CACNA1D: variants seen among roughly 807,000 people sequenced by gnomAD.
CACNA1D encodes calcium voltage-gated channel subunit alpha1 D.
Under a neutral mutation model 257.1 loss-of-function variants are expected in CACNA1D, and 55 were observed. The observed-to-expected ratio is 0.21, with a 90% CI of 0.17 to 0.27. The LOEUF (loss-of-function observed/expected upper bound fraction) is 0.27. Ranked by LOEUF, CACNA1D falls within the 10% of genes least tolerant of loss-of-function variation. The pLI, the probability that CACNA1D is intolerant of heterozygous loss-of-function variation, is 1.00. For missense variants in CACNA1D, 1,876 were observed against 2,784.0 expected (o/e 0.67, Z 7.34); for synonymous variants, 980 against 1,014.9 (o/e 0.97, Z 0.65).
intron 3 of CACNA1D, among the ~76,000 whole-genome samples, chr3:53,638,127 C>T (rs1369038440): frequency 6.6e-6 from 1 of 152,222 alleles, no homozygotes; most frequent in Non-Finnish European, 1.5e-5. Flanking sequence ...GCCTGTTCTC[C>T]ACTGACCCAC....
intron 3 of CACNA1D, among the ~76,000 whole-genome samples, chr3:53,611,007 A>G (rs1012145315): frequency 6.6e-6 from 1 of 152,166 alleles, no homozygotes; most frequent in Non-Finnish European, 1.5e-5. Context: ...TTTTCACTGG[A>G]TATAGAATTT....
chr3:53,741,186 A>G (rs1373670360), intron 21 of CACNA1D, among the ~76,000 whole-genome samples: 1 of 152,118 alleles, frequency 6.6e-6, no homozygotes, highest in African/African-American at 2.4e-5. Context: ...CCTATCCAAA[A>G]CTGGCCAAGA....
chr3:53,740,133 C>T, intron 20 of CACNA1D, 147 bp from the exon 21 acceptor site: 1 of 740,802 alleles, frequency 1.3e-6, no homozygotes, highest in South Asian at 1.4e-5. Flanking sequence ...TGGGCATTCA[C>T]CCGTGGCTCT....
At chr3:53,524,021 G>A (rs1049019791) in intron 3 of CACNA1D, among the ~76,000 whole-genome samples, 3 of 152,164 alleles carry the variant, frequency 2.0e-5, no homozygotes, top group Admixed American at 2.0e-4. Context: ...CTTTTGCTGG[G>A]CTTCTCAGGT....
chr3:53,616,838 G>A (rs962338066), intron 3 of CACNA1D, among the ~76,000 whole-genome samples: 2 of 151,902 alleles, frequency 1.3e-5, no homozygotes, highest in Non-Finnish European at 2.9e-5. Context: ...GGGTTTGAGG[G>A]TTGAGATAGG....
rs543497424 is a variant in CACNA1D, at chr3:53,632,376, G to C, written c.484-18403G>C. On this transcript the variant is annotated intron_variant, in intron 3 of 47. Coordinates refer to ENST00000350061, the MANE Select transcript of CACNA1D (RefSeq NM_001128840.3). ...TTAAGAGAGTTAGGGCCTTGCTCTG[G>C]ATTAGACTTTGGCACAAGAGAATGG... 1.4e-4 allele frequency among the ~76,000 whole-genome samples: 21 copies of C among 152,346 alleles called. No homozygotes were observed. The South Asian group carries it at 3.7e-3, about 27-fold the overall frequency.
At chr3:53,802,286 TA>T in intron 43 of CACNA1D, 113 bp downstream of exon 43, 1 of 926,230 alleles carries the variant, frequency 1.1e-6, no homozygotes. Flanking sequence ...TATTAAAGGT[TA>T]TCATAATTCA....
At position 53,735,523 on chromosome 3, in the gene CACNA1D, C is replaced by T. The variant is rs1370905579; in HGVS notation, c.2751+20C>T. Reference sequence around the variant, plus strand: ...AACACGGTAAGTCCCCAGGGTGGGGCTCGCTCTGGGATAGCCCTGGCCTCT... The same window carrying T: ...AACACGGTAAGTCCCCAGGGTGGGGTTCGCTCTGGGATAGCCCTGGCCTCT... On this transcript the variant is annotated intron_variant, in intron 20 of 47. Transcript: ENST00000350061. The T allele has an allele frequency of 6.2e-7, 1 of 1,613,252 alleles. No homozygotes were observed. Among genetic ancestry groups the T allele is most frequent in the Non-Finnish European group, 8.5e-7 (1 of 1,179,970 alleles).
chr3:53,557,472 C>T (rs146690193), intron 3 of CACNA1D, among the ~76,000 whole-genome samples: 130 of 151,286 alleles, frequency 8.6e-4, no homozygotes, highest in East Asian at 5.8e-3. Context: ...CCAGCCTGGG[C>T]GACAAGAGCG....
chr3:53,686,364 G>A (rs2094473413), intron 8 of CACNA1D, among the ~76,000 whole-genome samples: 1 of 151,886 alleles, frequency 6.6e-6, no homozygotes. Flanking sequence ...AACTCATGAG[G>A]CCAAAATCTC....
chr3:53,799,054 A>G (rs2095522504), intron 40 of CACNA1D, among the ~76,000 whole-genome samples: 1 of 152,148 alleles, frequency 6.6e-6, no homozygotes, highest in Admixed American at 6.5e-5. Flanking sequence ...AGGTTGAAGC[A>G]TTTGCTGCAC....
At chr3:53,674,767 G>C (rs1054827384) in intron 8 of CACNA1D, among the ~76,000 whole-genome samples, 1 of 152,182 alleles carries the variant, frequency 6.6e-6, no homozygotes, top group African/African-American at 2.4e-5. Context: ...CCGGGTTGTG[G>C]GGGGCAGGCA....
chr3:53,707,865 G>A (rs1170296863), intron 9 of CACNA1D, among the ~76,000 whole-genome samples: 1 of 152,080 alleles, frequency 6.6e-6, no homozygotes, highest in East Asian at 1.9e-4. Flanking sequence ...CAGAAAAGCA[G>A]GGCAATTTTA....
In CACNA1D at chr3:53,727,081, T is replaced by C; in HGVS notation, c.2221+82T>C. ...CTTCCTCTGCATTTCTCTGTGGTGA[T>C]GGTGGTGGTAGTAGTTGTGGCAGGG... On this transcript the variant is annotated intron_variant, in intron 15 of 47. Transcript: ENST00000350061. The C allele has an allele frequency of 3.3e-6, 5 of 1,513,646 alleles. No homozygotes were observed. The South Asian group carries it at 3.4e-5, about 10-fold the overall frequency. 93.8% of individuals were successfully genotyped at this position (1,513,646 alleles called of 1,614,324 possible).
chr3:53,501,732 T>A lies in CACNA1D; in HGVS notation c.483+12T>A. The A allele has an allele frequency of 7.3e-7, 1 of 1,368,486 alleles. No individual in the cohort carries two copies. The highest frequency in any genetic ancestry group is 1.0e-6 in the Non-Finnish European group (1 of 956,868). 84.8% of individuals were successfully genotyped at this position (1,368,486 alleles called of 1,614,324 possible). A position where few individuals can be genotyped will look rare whatever the true frequency, so the allele number is the denominator to read the frequency against. On this transcript the variant is annotated intron_variant, in intron 3 of 47. Transcript: ENST00000350061. ...CAAATCATAACTTGGTAAGTGTCCT[T>A]AGAGTTCCTGCTGGTCCTGGTATAT...
intron 3 of CACNA1D, among the ~76,000 whole-genome samples, chr3:53,636,600 G>C (rs988146143): frequency 6.6e-6 from 1 of 152,174 alleles, no homozygotes; most frequent in African/African-American, 2.4e-5. Context: ...TAGCCACTGC[G>C]CCTGGCCGAA....
chr3:53,645,135 C>A (rs939022763), intron 3 of CACNA1D, among the ~76,000 whole-genome samples: 1 of 152,078 alleles, frequency 6.6e-6, no homozygotes, highest in Non-Finnish European at 1.5e-5. Flanking sequence ...GAGAAATGTC[C>A]GTTCAGGTCC....
chr3:53,526,971 C>T (rs2091788664), intron 3 of CACNA1D, among the ~76,000 whole-genome samples: 1 of 152,224 alleles, frequency 6.6e-6, no homozygotes, highest in Non-Finnish European at 1.5e-5. Flanking sequence ...CCACTGCCCA[C>T]CCACACTTGG....
chr3:53,751,723 G>T lies in CACNA1D; in HGVS notation c.3517-26G>T, dbSNP rs200203416. 1 of 1,614,042 alleles carries T rather than the reference G, an allele frequency of 6.2e-7. No homozygotes were observed. The highest frequency in any genetic ancestry group is 1.7e-5 in the Admixed American group (1 of 60,020). On this transcript the variant is annotated intron_variant, in intron 27 of 47. Transcript: ENST00000350061. This position sits in a 1 kb window ranked among gnomAD's most constrained non-coding sequence, Gnocchi z 4.3. Reference sequence around the variant, plus strand: ...CTTCCCTGCAAGTGCTCAGAACCCCGTTTCTGCCCTTTTCTGCTGTTGCAG... The same window carrying T: ...CTTCCCTGCAAGTGCTCAGAACCCCTTTTCTGCCCTTTTCTGCTGTTGCAG...
Sources: gnomAD v4.1 joint callset for allele counts (sites outside exome capture counted in the v4.1 genomes callset) on GRCh38, gnomAD v4.1.1 for gene constraint, Gnocchi (gnomAD v3.1) non-coding constraint, MANE v1.5 for transcripts, NCBI Gene and HGNC (gene_info 2026-07-23, HGNC 2026-07-21) for gene names.